Variants in ADCY6 observed in about 807,000 individuals in gnomAD.
ADCY6 encodes the protein adenylate cyclase 6.
Under a neutral mutation model 111.6 loss-of-function variants are expected in ADCY6, and 59 were observed. The ratio of observed to expected loss-of-function variants is 0.53; its 90% CI spans 0.43 to 0.66. ADCY6 has a LOEUF of 0.66. Ranked by LOEUF, ADCY6 falls within the 30% of genes least tolerant of loss-of-function variation. The pLI is 0.00. For synonymous variants in ADCY6, 576 were observed against 642.9 expected, an observed-to-expected ratio of 0.90 and a Z score of 1.57; for missense variants, 1,242 against 1,595.6, an observed-to-expected ratio of 0.78 and a Z score of 3.78.
In ADCY6 at chr12:48,776,108, G is replaced by C; in HGVS notation, c.1678-17C>G. The C allele has an allele frequency of 6.2e-7, 1 of 1,613,810 alleles. No homozygotes were observed. Among genetic ancestry groups the C allele is most frequent in the Non-Finnish European group, 8.5e-7 (1 of 1,179,854 alleles). ...CTCCTCTTTCTGTGCGGGCAGCATG[G>C]GTACAGGCTCAGAAGAGGGGCCCAG... is the stretch of plus-strand genomic sequence containing the variant. On this transcript the variant is annotated splice_polypyrimidine_tract_variant and intron_variant, in intron 8 of 21. Transcript: ENST00000357869. This position sits in a 1 kb window ranked among gnomAD's most constrained non-coding sequence, Gnocchi z 6.1.
chr12:48,776,268 C>T lies in ADCY6; in HGVS notation c.1618G>A (p.Ala540Thr), dbSNP rs762610323. 6.2e-6 allele frequency: 10 copies of T among 1,614,258 alleles called. No individual in the cohort carries two copies. The highest frequency in any genetic ancestry group is 8.5e-6 in the Non-Finnish European group (10 of 1,180,056). Reference protein sequence around the residue: ...VEPGRGGERNAYLKEQHIETF... With the variant: ...VEPGRGGERNTYLKEQHIETF... ...TCAATGTGCTGCTCCTTGAGGTACGCGTTGCGCTCGCCACCACGGCCTGGC... is the reference window on the plus strand; with the variant it reads ...TCAATGTGCTGCTCCTTGAGGTACGTGTTGCGCTCGCCACCACGGCCTGGC... The change falls in exon 8 of 22, where the codon GCG becomes ACG. Residue 540 changes from alanine to threonine, a missense_variant. Coordinates refer to ENST00000357869, the MANE Select transcript of ADCY6 (RefSeq NM_015270.5). The surrounding 1 kb of genome is among the most constrained non-coding windows in gnomAD (Gnocchi z 6.1).
chr12:48,776,830 A>C lies in ADCY6; in HGVS notation c.1377-244T>G, dbSNP rs1484414094. 6.6e-6 allele frequency among the ~76,000 whole-genome samples: 1 copy of C among 152,102 alleles called. No homozygotes were observed. Among genetic ancestry groups the C allele is most frequent in the Non-Finnish European group, 1.5e-5 (1 of 68,020 alleles). The stretch of plus-strand genomic sequence containing the variant: ...GAACTGAGCTAGGAGAAGAGGAATC[A>C]CTGTTATCCCCTCTGGCCTGCACAG... On this transcript the variant is annotated intron_variant, in intron 6 of 21. Transcript: ENST00000357869. This position sits in a 1 kb window ranked among gnomAD's most constrained non-coding sequence, Gnocchi z 6.1.
intron 1 of ADCY6, among the ~76,000 whole-genome samples, chr12:48,785,607 G>C (rs985674983): frequency 6.6e-6 from 1 of 152,106 alleles, no homozygotes; most frequent in South Asian, 2.1e-4. Context: ...CAATAAGAGC[G>C]AAACTCCATC....
intron 10 of ADCY6, 51 bp downstream of exon 10, chr12:48,775,622 G>A: frequency 6.3e-7 from 1 of 1,598,278 alleles, no homozygotes. Context: ...GCTCCCCCCA[G>A]CCCCATCCCA....
intron 1 of ADCY6, among the ~76,000 whole-genome samples, chr12:48,788,674 A>AGGCGGCG (rs1016894932): frequency 1.7e-4 from 26 of 151,960 alleles, no homozygotes; most frequent in Admixed American, 1.0e-3. Flanking sequence ...GGAGGGAGGC[A>AGGCGGCG]GGCGGCGGGC....
intron 2 of ADCY6, among the ~76,000 whole-genome samples, chr12:48,778,756 CTT>C: frequency 6.6e-6 from 1 of 152,016 alleles, no homozygotes; most frequent in South Asian, 2.1e-4. Flanking sequence ...CTCTCCCTGA[CTT>C]GACATAACTT....
At chr12:48,770,126 G>C (rs1225140302) in intron 20 of ADCY6, among the ~76,000 whole-genome samples, 1 of 135,116 alleles carries the variant, frequency 7.4e-6, no homozygotes, top group Non-Finnish European at 1.5e-5. Flanking sequence ...GGCTGGTCTT[G>C]AACTCCCGAC....
rs1285390155 is a variant in ADCY6, at chr12:48,767,279, G to A, written c.*1312C>T. 6.6e-6 allele frequency: 1 copy of A among 152,656 alleles called. No individual in the cohort carries two copies. Among genetic ancestry groups the A allele is most frequent in the African/African-American group, 2.4e-5 (1 of 41,450 alleles). The allele number at this position is 152,656 out of a possible 1,614,324, so 9.5% of individuals were successfully genotyped here. A position where few individuals can be genotyped will look rare whatever the true frequency, so the allele number is the denominator to read the frequency against. ...TGGGTCCCTGCCACAGACAGGGAGA[G>A]TCATGCTGCACACATGGCCCCCGAA... On this transcript the variant is annotated 3_prime_UTR_variant, in exon 22 of 22. Coordinates refer to ENST00000357869, the MANE Select transcript of ADCY6 (RefSeq NM_015270.5).
rs1308542954 is a variant in ADCY6, at chr12:48,775,787, G to C, written c.1807-89C>G. 3 of 1,540,106 alleles carry C rather than the reference G, an allele frequency of 1.9e-6. No homozygotes were observed. The African/African-American group carries it at 4.1e-5, about 21-fold the overall frequency. The stretch of plus-strand genomic sequence containing the variant: ...TTCCCCCACCCCAACACTGTGCTGA[G>C]GGTGTCCCCGTCATATCCTCTGGGG... On this transcript the variant is annotated intron_variant, in intron 9 of 21. Transcript: ENST00000357869.
chr12:48,782,579 A>G lies in ADCY6; in HGVS notation c.856T>C (p.Trp286Arg), dbSNP rs1394181198. 6.2e-7 allele frequency: 1 copy of G among 1,609,846 alleles called. No homozygotes were observed. ...WQLNRGDAFL[W>R]KQLGANVLLF... ...CCTCCCTGGCCACCTACCTGCTTCC[A>G]GAGGAAGGCATCACCACGGTTAAGT... The change falls in exon 2 of 22, where the codon TGG (tryptophan) becomes CGG (arginine). Residue 286 changes from tryptophan to arginine, a missense_variant. Physicochemically the swap from Trp to Arg is moderately radical, Grantham distance 101 (BLOSUM62 -3). Around this residue, in one of 4 missense-constraint regions of ADCY6, gnomAD observed 260 missense variants for 414.6 expected, o/e 0.63. Transcript: ENST00000357869. The surrounding 1 kb of genome is among the most constrained non-coding windows in gnomAD (Gnocchi z 4.3).
Position 48,783,082 on chromosome 12 carries a change from C to T in ADCY6, c.353G>A (p.Cys118Tyr). ...GAACACCTGCACCAGACGGCGCCAG[C>T]AGGATCGCCCACTCCTGGGCACCGC... Reference protein sequence around the residue: ...PDAVPRSGRSCWRRLVQVFQS... With the variant: ...PDAVPRSGRSYWRRLVQVFQS... The change falls in exon 2 of 22, where the codon TGC becomes TAC. Residue 118 changes from cysteine to tyrosine, a missense_variant. Coordinates refer to ENST00000357869, the MANE Select transcript of ADCY6 (RefSeq NM_015270.5). The T allele has an allele frequency of 1.9e-6, 3 of 1,612,320 alleles. No homozygotes were observed. Among genetic ancestry groups the T allele is most frequent in the Non-Finnish European group, 2.5e-6 (3 of 1,179,540 alleles).
chr12:48,783,467 G>A, intron 1 of ADCY6, 29 bp from the exon 2 acceptor site: 1 of 1,613,852 alleles, frequency 6.2e-7, no homozygotes, highest in Non-Finnish European at 8.5e-7. Context: ...GATAGTATTA[G>A]AGACCATCCA....
Position 48,771,588 on chromosome 12 carries a change from C to A in ADCY6, c.3051+122G>T, listed in dbSNP as rs1191010944. On this transcript the variant is annotated intron_variant, in intron 19 of 21. Coordinates refer to ENST00000357869, the MANE Select transcript of ADCY6 (RefSeq NM_015270.5). The surrounding 1 kb of genome is among the most constrained non-coding windows in gnomAD (Gnocchi z 4.3). The stretch of plus-strand genomic sequence containing the variant: ...TCTGCCTCCACTGTGCATACCCTTA[C>A]CCCTGATGACTCTGGGTCCCATCAA... 2.7e-6 allele frequency: 4 copies of A among 1,491,750 alleles called. No homozygotes were observed. Among genetic ancestry groups the A allele is most frequent in the Non-Finnish European group, 3.7e-6 (4 of 1,083,134 alleles). 92.4% of individuals were successfully genotyped at this position (1,491,750 alleles called of 1,614,324 possible). A position where few individuals can be genotyped will look rare whatever the true frequency, so the allele number is the denominator to read the frequency against.
chr12:48,777,528 A>G lies in ADCY6; in HGVS notation c.1137-7T>C. On this transcript the variant is annotated splice_region_variant and splice_polypyrimidine_tract_variant and intron_variant, in intron 4 of 21. Coordinates refer to ENST00000357869, the MANE Select transcript of ADCY6 (RefSeq NM_015270.5). The surrounding 1 kb of genome is among the most constrained non-coding windows in gnomAD (Gnocchi z 4.9). ...AATGTCTGCAAACAGGATGCTGTAG[A>G]TGACAGCAGAGGATGAACAGAACAC... is the stretch of plus-strand genomic sequence containing the variant. 6.2e-7 allele frequency: 1 copy of G among 1,613,790 alleles called. No homozygotes were observed. Among genetic ancestry groups the G allele is most frequent in the Non-Finnish European group, 8.5e-7 (1 of 1,179,630 alleles).
chr12:48,782,849 C>T lies in ADCY6; in HGVS notation c.586G>A (p.Val196Met), dbSNP rs188795684. 2.4e-5 allele frequency: 39 copies of T among 1,614,084 alleles called. No homozygotes were observed. In the East Asian group the frequency reaches 4.9e-4, roughly 20 times the overall value. ...CAAALFVGLMVVCNRHSFRQD... is the reference protein window; with the variant it reads ...CAAALFVGLMMVCNRHSFRQD... ...CGGAAGCTATGCCGGTTACACACCA[C>T]CATGAGCCCCACGAACAGGGCGGCG... Residue 196 changes from valine to methionine, a missense_variant, in exon 2 of 22, where the codon GTG becomes ATG. Val to Met is a conservative substitution (Grantham distance 21, BLOSUM62 1). Transcript: ENST00000357869. This position sits in a 1 kb window ranked among gnomAD's most constrained non-coding sequence, Gnocchi z 4.3.
In ADCY6 at chr12:48,774,087, G is replaced by T; in HGVS notation, c.2295C>A (p.Asn765Lys). 1.2e-6 allele frequency: 2 copies of T among 1,608,726 alleles called. No homozygotes were observed. The highest frequency in any genetic ancestry group is 3.3e-4 in the Middle Eastern group (2 of 6,040). ...TSAIANMFTC[N>K]HTPIRSCAAR... ...CTGCACAGCTCCGTATGGGGGTGTG[G>T]TTACAGGTGAACTGCAAAAGTGGAG... is the stretch of plus-strand genomic sequence containing the variant. Residue 765 changes from asparagine (N) to lysine (K), a missense_variant, in exon 15 of 22, where the codon AAC becomes AAA. Transcript: ENST00000357869.
chr12:48,775,462 A>G lies in ADCY6; in HGVS notation c.1833-12T>C. On this transcript the variant is annotated splice_polypyrimidine_tract_variant and intron_variant, in intron 10 of 21. Coordinates refer to ENST00000357869, the MANE Select transcript of ADCY6 (RefSeq NM_015270.5). Reference sequence around the variant, plus strand: ...CTTGGGTGCCCCGGCTGAGGGCAGGAGACATGGTTTCACCAGTTGCATGGG... The same window carrying G: ...CTTGGGTGCCCCGGCTGAGGGCAGGGGACATGGTTTCACCAGTTGCATGGG... 1 of 1,613,922 alleles carries G rather than the reference A, an allele frequency of 6.2e-7. No individual in the cohort carries two copies. The highest frequency in any genetic ancestry group is 8.5e-7 in the Non-Finnish European group (1 of 1,179,950).
At chr12:48,775,150 G>A in intron 11 of ADCY6, 96 bp from the exon 12 acceptor site, 2 of 1,434,110 alleles carry the variant, frequency 1.4e-6, no homozygotes, top group South Asian at 2.5e-5. Flanking sequence ...ACAGGGAGGA[G>A]ATGCAGTTGG....
rs1941877981 is a variant in ADCY6, at chr12:48,782,742, G to T, written c.693C>A (p.Asp231Glu). The part of the protein sequence containing the change: ...AVQVGGALAA[D>E]PRSPSAGLWC... ...AGAGGCCCGCAGAGGGGCTGCGCGGGTCTGCTGCGAGAGCGCCCCCGACCT... is the reference window on the plus strand; with the variant it reads ...AGAGGCCCGCAGAGGGGCTGCGCGGTTCTGCTGCGAGAGCGCCCCCGACCT... Residue 231 changes from aspartate (D) to glutamate (E), a missense_variant, in exon 2 of 22, where the codon GAC becomes GAA. Physicochemically the swap from Asp to Glu is conservative, Grantham distance 45 (BLOSUM62 2). Transcript: ENST00000357869. This position sits in a 1 kb window ranked among gnomAD's most constrained non-coding sequence, Gnocchi z 4.3. The T allele has an allele frequency of 6.2e-7, 1 of 1,605,740 alleles. No individual in the cohort carries two copies. Among genetic ancestry groups the T allele is most frequent in the African/African-American group, 1.3e-5 (1 of 74,882 alleles).
Sources: gnomAD v4.1 joint callset for allele counts (sites outside exome capture counted in the v4.1 genomes callset) on GRCh38, gnomAD v4.1.1 for gene constraint, gnomAD v4.1.1 regional missense constraint, Gnocchi (gnomAD v3.1) non-coding constraint, MANE v1.5 for transcripts, NCBI Gene and HGNC (gene_info 2026-07-23, HGNC 2026-07-21) for gene names.